Variants in PRIM2 observed in about 807,000 individuals in gnomAD.
PRIM2 encodes the protein DNA primase large subunit.
A neutral mutation model predicts 67.3 loss-of-function variants in PRIM2; 39 were observed. That is an observed-to-expected ratio of 0.58 (90% CI 0.45 to 0.76). The LOEUF is 0.76. PRIM2 is among the 30% of genes least tolerant of loss of function. PRIM2 has a pLI of 0.00. For missense variants in PRIM2, 398 were observed against 598.7 expected (o/e 0.66, Z 3.50); for synonymous variants, 143 against 198.7 (o/e 0.72, Z 2.36).
At chr6:57,544,332 G>T (rs1775242534) in intron 10 of PRIM2, among the ~76,000 whole-genome samples, 1 of 152,248 alleles carries the variant, frequency 6.6e-6, no homozygotes, top group South Asian at 2.1e-4. Context: ...TGGTCAGGGA[G>T]GGGTTTGGCG....
chr6:57,446,435 A>G (rs1772370029), intron 7 of PRIM2, among the ~76,000 whole-genome samples: 1 of 14,024 alleles, frequency 7.1e-5, no homozygotes, highest in Non-Finnish European at 1.4e-4. Context: ...TTTTTTTTTG[A>G]GACAGTCTTG....
At chr6:57,620,859 ATAAACT>A (rs1434009122) in intron 12 of PRIM2, among the ~76,000 whole-genome samples, 3 of 152,284 alleles carry the variant, frequency 2.0e-5, no homozygotes, top group Non-Finnish European at 2.9e-5. Context: ...AAGGACTCAC[ATAAACT>A]TAAAGTAAAG....
At position 57,501,298 on chromosome 6, in the gene PRIM2, G is replaced by GT. The variant is rs1307444259; in HGVS notation, c.694-6080dup. Among the ~76,000 whole-genome samples, 24 of 151,234 alleles carry GT rather than the reference G, an allele frequency of 1.6e-4. No individual in the cohort carries two copies. The South Asian group carries it at 2.3e-3, about 15-fold the overall frequency. On this transcript the variant is annotated intron_variant, in intron 7 of 13. Coordinates refer to ENST00000615550, the MANE Select transcript of PRIM2 (RefSeq NM_000947.5). ...ACCTTATAATTACTATTGGATTTCA[G>GT]TTTTTTTTTCTTTTTTTGGAGACAG...
At chr6:57,547,466 T>C (rs1195570880) in intron 10 of PRIM2, among the ~76,000 whole-genome samples, 8 of 152,238 alleles carry the variant, frequency 5.3e-5, no homozygotes, top group Admixed American at 5.2e-4. Context: ...CTCCCACTTA[T>C]ACGTGACAGC....
At chr6:57,407,952 G>A (rs1462605392) in intron 7 of PRIM2, among the ~76,000 whole-genome samples, 1 of 152,214 alleles carries the variant, frequency 6.6e-6, no homozygotes, top group Non-Finnish European at 1.5e-5. Context: ...AGGGAAACTT[G>A]GGAAGGTTGG....
intron 7 of PRIM2, among the ~76,000 whole-genome samples, chr6:57,481,742 G>A (rs1773634304): frequency 6.6e-6 from 1 of 152,092 alleles, no homozygotes; most frequent in Non-Finnish European, 1.5e-5. Context: ...CTCTGGTTTT[G>A]TATTCTTACT....
chr6:57,489,251 G>A (rs1158083787), intron 7 of PRIM2, among the ~76,000 whole-genome samples: 1 of 152,248 alleles, frequency 6.6e-6, no homozygotes, highest in African/African-American at 2.4e-5. Context: ...TATGTGTGGT[G>A]TTTTAAAAGT....
At chr6:57,541,015 C>G (rs1279363726) in intron 10 of PRIM2, among the ~76,000 whole-genome samples, 4 of 152,158 alleles carry the variant, frequency 2.6e-5, no homozygotes, top group Non-Finnish European at 5.9e-5. Flanking sequence ...TTGAATAACA[C>G]CATTGGGCTC....
intron 7 of PRIM2, among the ~76,000 whole-genome samples, chr6:57,437,121 TGGCAGG>T (rs1772036075): frequency 6.6e-6 from 1 of 152,174 alleles, no homozygotes; most frequent in African/African-American, 2.4e-5. Context: ...GTGTCTTACA[TGGCAGG>T]AGCAGGAGCA....
chr6:57,528,316 T>A (rs1369933583), intron 8 of PRIM2, among the ~76,000 whole-genome samples: 1 of 151,032 alleles, frequency 6.6e-6, no homozygotes, highest in African/African-American at 2.4e-5. Flanking sequence ...AGTCTACTTA[T>A]ATTCTCTCTG....
At chr6:57,362,738 G>C (rs569491312) in intron 5 of PRIM2, among the ~76,000 whole-genome samples, 1 of 152,060 alleles carries the variant, frequency 6.6e-6, no homozygotes, top group Non-Finnish European at 1.5e-5. Flanking sequence ...AGTTTGAGAG[G>C]CCTTTAATTG....
intron 7 of PRIM2, among the ~76,000 whole-genome samples, chr6:57,420,478 G>A (rs571029916): frequency 6.6e-6 from 1 of 152,256 alleles, no homozygotes; most frequent in Non-Finnish European, 1.5e-5. Flanking sequence ...ACTCCAGCCT[G>A]GGTGACAGAG....
chr6:57,311,415 C>T (rs937026654), upstream of PRIM2, among the ~76,000 whole-genome samples: 12 of 150,280 alleles, frequency 8.0e-5, no homozygotes, highest in African/African-American at 2.9e-4. Context: ...CAGAGGTGCT[C>T]TTCACTTCCC....
chr6:57,500,249 T>C lies in PRIM2; in HGVS notation c.694-7138T>C, dbSNP rs1243029108. ...CTAGATCACTGCATGTGCCACCCTTTTGACCTCTTTGCCTCTAGTTTAGTT... is the reference window on the plus strand; with the variant it reads ...CTAGATCACTGCATGTGCCACCCTTCTGACCTCTTTGCCTCTAGTTTAGTT... On this transcript the variant is annotated intron_variant, in intron 7 of 13. Transcript: ENST00000615550. Among the ~76,000 whole-genome samples, 3 of 152,318 alleles carry C rather than the reference T, an allele frequency of 2.0e-5. No homozygotes were observed. The East Asian group carries it at 5.8e-4, about 29-fold the overall frequency.
intron 5 of PRIM2, among the ~76,000 whole-genome samples, chr6:57,363,773 G>A (rs12193422): frequency 5.3e-5 from 8 of 152,114 alleles, no homozygotes; most frequent in Admixed American, 2.0e-4. Context: ...TTTCACCAGC[G>A]TTCTTGAATT....
intron 11 of PRIM2, among the ~76,000 whole-genome samples, chr6:57,604,981 C>T (rs1181035539): frequency 4.6e-5 from 7 of 152,164 alleles, no homozygotes; most frequent in African/African-American, 9.7e-5. Context: ...TGAGCCACCG[C>T]GCTTGGCCAG....
At chr6:57,358,163 T>C (rs2397234) in intron 5 of PRIM2, among the ~76,000 whole-genome samples, 3 of 152,256 alleles carry the variant, frequency 2.0e-5, no homozygotes, top group East Asian at 3.8e-4. Context: ...AATTCTCAGT[T>C]GTTTGTTCTT....
At chr6:57,319,673 G>A (rs1290851481) in intron 2 of PRIM2, among the ~76,000 whole-genome samples, 1 of 152,154 alleles carries the variant, frequency 6.6e-6, no homozygotes, top group Non-Finnish European at 1.5e-5. Context: ...AGTTAGCATT[G>A]ATAGGATTTG....
At chr6:57,495,653 A>G (rs1362474719) in intron 7 of PRIM2, among the ~76,000 whole-genome samples, 6 of 152,206 alleles carry the variant, frequency 3.9e-5, no homozygotes, top group Admixed American at 6.5e-5. Context: ...TCCAAGGACT[A>G]TGTTTTGTTA....
Sources: allele counts gnomAD v4.1 joint callset (sites outside exome capture counted in the v4.1 genomes callset), GRCh38; gene constraint gnomAD v4.1.1; transcripts MANE v1.5; gene names NCBI Gene and HGNC (gene_info 2026-07-23, HGNC 2026-07-21).